Variants in SH2B2 observed in about 807,000 individuals in gnomAD.
SH2B2 encodes the protein SH2B adaptor protein 2, also known as SH2B adapter protein 2.
A neutral mutation model predicts 35.7 loss-of-function variants in SH2B2; 37 were observed. The ratio of observed to expected loss-of-function variants is 1.04; its 90% CI spans 0.80 to 1.36. SH2B2 has a LOEUF of 1.36. SH2B2 is among the 40% of genes most tolerant of loss of function. SH2B2 has a pLI of 0.00. For synonymous variants in SH2B2, 383 were observed against 376.4 expected, an observed-to-expected ratio of 1.02 and a Z score of -0.20; for missense variants, 852 against 817.7, an observed-to-expected ratio of 1.04 and a Z score of -0.51.
At chr7:102,298,382 C>A (rs1793005108) in intron 1 of SH2B2, among the ~76,000 whole-genome samples, 1 of 152,166 alleles carries the variant, frequency 6.6e-6, no homozygotes, top group South Asian at 2.1e-4. Context: ...CCACTTCAGT[C>A]TCCTTAGTAT....
intron 4 of SH2B2, among the ~76,000 whole-genome samples, chr7:102,312,575 C>A (rs1402448328): frequency 6.6e-6 from 1 of 152,198 alleles, no homozygotes; most frequent in Non-Finnish European, 1.5e-5. Flanking sequence ...GGACAGAACC[C>A]TATCTTGAAT....
At chr7:102,302,308 G>T (rs1793225868) in intron 2 of SH2B2, among the ~76,000 whole-genome samples, 6 of 152,254 alleles carry the variant, frequency 3.9e-5, no homozygotes, top group Admixed American at 3.9e-4. Context: ...TCCCTGGGAG[G>T]TCTGTGTCTG....
intron 1 of SH2B2, among the ~76,000 whole-genome samples, chr7:102,288,311 T>A (rs1264461077): frequency 6.6e-6 from 1 of 151,750 alleles, no homozygotes; most frequent in African/African-American, 2.4e-5. Flanking sequence ...TTGGGAGAGG[T>A]CTGGTGGTGG....
At chr7:102,295,807 G>A (rs1334618576) in intron 1 of SH2B2, among the ~76,000 whole-genome samples, 1 of 152,074 alleles carries the variant, frequency 6.6e-6, no homozygotes, top group African/African-American at 2.4e-5. Flanking sequence ...GGAAGCACGG[G>A]GCAGGGAAAA....
At chr7:102,313,484 G>A (rs1474738340) in intron 4 of SH2B2, among the ~76,000 whole-genome samples, 2 of 151,984 alleles carry the variant, frequency 1.3e-5, no homozygotes, top group African/African-American at 4.8e-5. Context: ...TGGGGGTCTC[G>A]CTATGTTGCC....
In SH2B2 at chr7:102,308,876, T is replaced by C. The variant is rs1385219998; in HGVS notation, c.893T>C (p.Val298Ala). The change falls in exon 4 of 9, where the codon GTA (valine) becomes GCA (alanine). Residue 298 changes from valine to alanine, a missense_variant. Physicochemically the swap from Val to Ala is moderately conservative, Grantham distance 64 (BLOSUM62 0). This residue lies in a region of SH2B2 where 556 missense variants were observed against 514.5 expected (regional missense o/e 1.08). Coordinates refer to ENST00000444095, the MANE Select transcript of SH2B2 (RefSeq NM_001359228.2). Reference protein sequence around the residue: ...TIDSLQKHSWVADIQGCVDPG... With the variant: ...TIDSLQKHSWAADIQGCVDPG... ...GACTCTCTGCAGAAGCACTCGTGGG[T>C]AGCTGACATCCAGGGCTGCGTGGAC... 6.2e-7 allele frequency: 1 copy of C among 1,613,714 alleles called. No homozygotes were observed. Among genetic ancestry groups the C allele is most frequent in the Admixed American group, 1.7e-5 (1 of 60,010 alleles).
chr7:102,314,798 A>C, intron 6 of SH2B2, 116 bp downstream of exon 6: 6 of 397,168 alleles, frequency 1.5e-5, no homozygotes, highest in Non-Finnish European at 1.8e-5. Context: ...GTGACATCTC[A>C]TCCTCCTGGG....
chr7:102,298,059 A>G (rs1792992567), intron 1 of SH2B2, among the ~76,000 whole-genome samples: 1 of 152,236 alleles, frequency 6.6e-6, no homozygotes, highest in Admixed American at 6.5e-5. Context: ...TTTGGCTGCT[A>G]TGCTTCTGGG....
At chr7:102,308,376 C>T (rs549496161) in intron 3 of SH2B2, among the ~76,000 whole-genome samples, 8 of 152,322 alleles carry the variant, frequency 5.3e-5, no homozygotes, top group South Asian at 2.1e-4. Context: ...ATGGCCATGC[C>T]GGTAGAACTC....
chr7:102,308,671 CCA>C (rs1297203312), intron 3 of SH2B2, 142 bp from the exon 4 acceptor site: 25 of 690,742 alleles, frequency 3.6e-5, no homozygotes, highest in Non-Finnish European at 6.0e-5. Flanking sequence ...GATGGTGACC[CCA>C]CTTTCTTTCC....
At chr7:102,310,567 G>A (rs1280007719) in intron 4 of SH2B2, among the ~76,000 whole-genome samples, 4 of 152,192 alleles carry the variant, frequency 2.6e-5, no homozygotes, top group Non-Finnish European at 5.9e-5. Context: ...GAGTAGGAGG[G>A]ATAGGCAGCC....
chr7:102,320,805 GA>G (rs1554558285), intron 8 of SH2B2, among the ~76,000 whole-genome samples: 1 of 152,168 alleles, frequency 6.6e-6, no homozygotes, highest in African/African-American at 2.4e-5. Context: ...GGGCAAGTGG[GA>G]TGAAAGGAGC....
chr7:102,321,561 C>T lies in SH2B2; in HGVS notation c.1830C>T (p.Ala610=), dbSNP rs1480139637. The T allele has an allele frequency of 5.2e-6, 6 of 1,153,208 alleles. No individual in the cohort carries two copies. Among genetic ancestry groups the T allele is most frequent in the African/African-American group, 4.9e-5 (3 of 61,068 alleles). The allele number at this position is 1,153,208 out of a possible 1,614,324, so 71.4% of individuals were successfully genotyped here. ...TGCTGGAGGCCGTGGCCGCCACCGC[C>T]GCCGAGGAGCCCCCGGAGGCCGCGC... ...ERLLEAVAAT[A]AEEPPEAAPG... is the part of the protein sequence containing the mutation. The change falls in exon 9 of 9, where the codon GCC becomes GCT. Residue 610 remains alanine (A), a synonymous_variant. Coordinates refer to ENST00000444095, the MANE Select transcript of SH2B2 (RefSeq NM_001359228.2).
intron 1 of SH2B2, among the ~76,000 whole-genome samples, chr7:102,296,101 C>T (rs1792904116): frequency 6.6e-6 from 1 of 152,216 alleles, no homozygotes; most frequent in Non-Finnish European, 1.5e-5. Flanking sequence ...GTCCTTGAAG[C>T]TAAGCAGGCT....
At chr7:102,299,197 C>CTGTTTTTTTTTTTTTTTTTTTTTT in intron 1 of SH2B2, among the ~76,000 whole-genome samples, 1 of 24,634 alleles carries the variant, frequency 4.1e-5, no homozygotes, top group African/African-American at 2.0e-4. Flanking sequence ...CCGCGCCTGG[C>CTGTTTTTTTTTTTTTTTTTTTTTT]TTTTTTTTTT....
chr7:102,297,394 TACACACACACACACAC>T lies in SH2B2; in HGVS notation c.-29-3107_-29-3092del, dbSNP rs3988122. Among the ~76,000 whole-genome samples the T allele has an allele frequency of 5.5e-5, 8 of 144,458 alleles. No homozygotes were observed. Among genetic ancestry groups the T allele is most frequent in the Admixed American group, 6.9e-5 (1 of 14,394 alleles). The allele number at this position is 144,458 out of a possible 152,430, so 94.8% of individuals were successfully genotyped here. ...CATCAATAGAGTGAGATCCCATCTC[TACACACACACACACAC>T]ACACACACACACACACACACGCAGT... On this transcript the variant is annotated intron_variant, in intron 1 of 8. Coordinates refer to ENST00000444095, the MANE Select transcript of SH2B2 (RefSeq NM_001359228.2). This position sits in a 1 kb window ranked among gnomAD's most constrained non-coding sequence, Gnocchi z 4.3.
intron 8 of SH2B2, 79 bp from the exon 9 acceptor site, chr7:102,321,220 C>G (rs1021542855): frequency 9.1e-6 from 11 of 1,202,806 alleles, no homozygotes; most frequent in Non-Finnish European, 1.2e-5. Context: ...GGGCCCTGGC[C>G]CCTTGAGGGA....
chr7:102,315,566 GC>G (rs1454662836), intron 6 of SH2B2, among the ~76,000 whole-genome samples: 1 of 151,666 alleles, frequency 6.6e-6, no homozygotes, highest in Non-Finnish European at 1.5e-5. Flanking sequence ...TGCCCTAAGT[GC>G]TGGAATTATA....
At chr7:102,299,407 T>C (rs993399492) in intron 1 of SH2B2, among the ~76,000 whole-genome samples, 5 of 140,978 alleles carry the variant, frequency 3.5e-5, no homozygotes, top group South Asian at 2.3e-4. Flanking sequence ...TCATGTTGGC[T>C]AGGATGGTCT....
Sources: gnomAD v4.1 joint callset for allele counts (sites outside exome capture counted in the v4.1 genomes callset) on GRCh38, gnomAD v4.1.1 for gene constraint, gnomAD v4.1.1 regional missense constraint, Gnocchi (gnomAD v3.1) non-coding constraint, MANE v1.5 for transcripts, NCBI Gene and HGNC (gene_info 2026-07-23, HGNC 2026-07-21) for gene names.